Variants in PRKN observed in about 807,000 individuals in gnomAD.
PRKN encodes parkin RBR E3 ubiquitin protein ligase.
Under a neutral mutation model 59.5 loss-of-function variants are expected in PRKN, and 56 were observed. That is an observed-to-expected ratio of 0.94 (90% CI 0.76 to 1.18). The LOEUF (loss-of-function observed/expected upper bound fraction) is 1.18. PRKN is among the 50% of genes most tolerant of loss of function. PRKN has a pLI of 0.00. For missense variants in PRKN, 657 were observed against 596.4 expected, an observed-to-expected ratio of 1.10 and a Z score of -1.06; for synonymous variants, 250 against 222.1, an observed-to-expected ratio of 1.13 and a Z score of -1.12.
chr6:161,528,422 T>C (rs893175894), intron 9 of PRKN, among the ~76,000 whole-genome samples: 1 of 152,112 alleles, frequency 6.6e-6, no homozygotes, highest in Non-Finnish European at 1.5e-5. Context: ...AGGTGAGCAG[T>C]CTTGAAGCCC....
intron 6 of PRKN, among the ~76,000 whole-genome samples, chr6:161,883,723 C>T (rs534385618): frequency 6.6e-6 from 1 of 152,184 alleles, no homozygotes; most frequent in African/African-American, 2.4e-5. Flanking sequence ...GAACTCAGCT[C>T]GCTGCTGAAA....
intron 6 of PRKN, among the ~76,000 whole-genome samples, chr6:161,808,876 T>A (rs1791444876): frequency 6.6e-6 from 1 of 152,240 alleles, no homozygotes; most frequent in Non-Finnish European, 1.5e-5. Context: ...GGTCTCACTC[T>A]GTTGCTGAGG....
At chr6:162,044,703 T>C (rs1186151483) in intron 5 of PRKN, among the ~76,000 whole-genome samples, 3 of 152,160 alleles carry the variant, frequency 2.0e-5, no homozygotes, top group Non-Finnish European at 4.4e-5. Flanking sequence ...TTCTATTCCT[T>C]TATTCCTGTC....
At chr6:162,242,952 T>G (rs1238645555) in intron 3 of PRKN, among the ~76,000 whole-genome samples, 1 of 152,090 alleles carries the variant, frequency 6.6e-6, no homozygotes. Flanking sequence ...TTAGACATGT[T>G]TGTGAGATAA....
intron 4 of PRKN, among the ~76,000 whole-genome samples, chr6:162,079,237 A>G (rs1227876156): frequency 2.6e-5 from 4 of 152,134 alleles, no homozygotes; most frequent in Admixed American, 1.3e-4. Flanking sequence ...CAAGGAAATG[A>G]AGCAATCTAT....
chr6:161,713,780 G>T (rs894597663), intron 7 of PRKN, among the ~76,000 whole-genome samples: 2 of 152,112 alleles, frequency 1.3e-5, no homozygotes, highest in African/African-American at 4.8e-5. Flanking sequence ...ATCTCATCTT[G>T]AATTGTAGCT....
chr6:161,786,162 A>C (rs915770923), intron 6 of PRKN, among the ~76,000 whole-genome samples: 5 of 152,194 alleles, frequency 3.3e-5, no homozygotes, highest in African/African-American at 7.2e-5. Context: ...TCTTTTGATT[A>C]AACCTGAGCT....
At chr6:162,309,902 C>T (rs1370261030) in intron 2 of PRKN, among the ~76,000 whole-genome samples, 1 of 152,012 alleles carries the variant, frequency 6.6e-6, no homozygotes, top group East Asian at 1.9e-4. Flanking sequence ...TGTGTTGTTC[C>T]CTATATGTAT....
At chr6:162,240,306 CG>C (rs1162666858) in intron 3 of PRKN, among the ~76,000 whole-genome samples, 2 of 152,124 alleles carry the variant, frequency 1.3e-5, no homozygotes, top group African/African-American at 4.8e-5. Context: ...TGACATCTTG[CG>C]GTATAAAAGC....
chr6:161,766,313 C>CCTTTTTTTTTTTTTTTTTTTTTTT (rs1583130349), intron 7 of PRKN, among the ~76,000 whole-genome samples: 2 of 82,582 alleles, frequency 2.4e-5, no homozygotes, highest in African/African-American at 8.1e-5. Context: ...TCATTGACCA[C>CCTTTTTTTTTTTTTTTTTTTTTTT]ATTTTTTTTT....
chr6:162,192,514 A>T (rs1178165145), intron 4 of PRKN, among the ~76,000 whole-genome samples: 2 of 124,898 alleles, frequency 1.6e-5, no homozygotes, highest in Non-Finnish European at 3.1e-5. Context: ...ATGTGGTGGC[A>T]TGATCATGGC....
At chr6:161,367,260 C>T (rs984152535) in intron 10 of PRKN, among the ~76,000 whole-genome samples, 4 of 151,892 alleles carry the variant, frequency 2.6e-5, no homozygotes, top group African/African-American at 7.2e-5. Flanking sequence ...GGATTACAGG[C>T]GTGAGCCACC....
intron 6 of PRKN, among the ~76,000 whole-genome samples, chr6:161,946,360 C>T (rs900211154): frequency 4.1e-5 from 6 of 146,454 alleles, no homozygotes; most frequent in Admixed American, 6.9e-5. Flanking sequence ...AAAATAAATA[C>T]GGTTCTTTAC....
intron 6 of PRKN, among the ~76,000 whole-genome samples, chr6:161,824,961 C>T (rs955902127): frequency 6.6e-6 from 1 of 152,154 alleles, no homozygotes; most frequent in Non-Finnish European, 1.5e-5. Flanking sequence ...TGCAATCTTA[C>T]ACACCAGAAA....
chr6:161,693,502 G>A (rs983043960), intron 7 of PRKN, among the ~76,000 whole-genome samples: 8 of 152,158 alleles, frequency 5.3e-5, no homozygotes, highest in Admixed American at 5.2e-4. Context: ...ATGTGTCTCT[G>A]CTGAACAATA....
intron 4 of PRKN, among the ~76,000 whole-genome samples, chr6:162,066,798 A>G (rs1471292845): frequency 6.6e-6 from 1 of 152,232 alleles, no homozygotes; most frequent in African/African-American, 2.4e-5. Flanking sequence ...CATTCTTAAA[A>G]TACTTAATTG....
At chr6:162,290,472 T>C (rs1049839893) in intron 2 of PRKN, among the ~76,000 whole-genome samples, 1 of 152,180 alleles carries the variant, frequency 6.6e-6, no homozygotes, top group African/African-American at 2.4e-5. Context: ...TCATAATTTA[T>C]TCCTTGTTAG....
At chr6:161,406,151 CACACATATATAT>C (rs1226096550) in intron 9 of PRKN, among the ~76,000 whole-genome samples, 8 of 151,418 alleles carry the variant, frequency 5.3e-5, no homozygotes, top group African/African-American at 1.2e-4. Context: ...TACATATATA[CACACATATATAT>C]ACACATATAT....
chr6:162,129,278 C>T (rs953830064), intron 4 of PRKN, among the ~76,000 whole-genome samples: 11 of 152,106 alleles, frequency 7.2e-5, no homozygotes, highest in African/African-American at 2.7e-4. Context: ...TTGGCATCTA[C>T]AAATTCTGGG....
Sources: gnomAD v4.1 joint callset for allele counts (sites outside exome capture counted in the v4.1 genomes callset) on GRCh38, gnomAD v4.1.1 for gene constraint, MANE v1.5 for transcripts, NCBI Gene and HGNC (gene_info 2026-07-23, HGNC 2026-07-21) for gene names.